The following DNAH17 variants were observed in gnomAD, a reference collection of about 807,000 sequenced individuals.
The protein encoded by DNAH17 is dynein axonemal heavy chain 17.
Under a neutral mutation model 485.6 loss-of-function variants are expected in DNAH17, and 376 were observed. The observed-to-expected ratio is 0.77, with a 90% confidence interval of 0.71 to 0.84. The LOEUF (loss-of-function observed/expected upper bound fraction) is 0.84. DNAH17 is among the 40% of genes least tolerant of loss of function. The probability of loss-of-function intolerance (pLI) is 0.00; values close to 1 mark genes in which losing one functional copy is unlikely to be tolerated. For missense variants in DNAH17, 6,370 were observed against 5,839.3 expected (o/e 1.09, Z -2.96); for synonymous variants, 3,031 against 2,405.9 (o/e 1.26, Z -7.60).
intron 26 of DNAH17, among the ~76,000 whole-genome samples, chr17:78,513,160 G>C (rs1011596039): frequency 6.6e-6 from 1 of 151,950 alleles, no homozygotes; most frequent in Non-Finnish European, 1.5e-5. Flanking sequence ...AGGCCATGAC[G>C]GGAAGGAGGC....
chr17:78,491,068 T>C (rs751310097), intron 43 of DNAH17, among the ~76,000 whole-genome samples: 2 of 152,214 alleles, frequency 1.3e-5, no homozygotes, highest in Admixed American at 1.3e-4. Flanking sequence ...GGCTGCAGCA[T>C]GGAGTCAGGG....
chr17:78,445,224 G>A (rs2087232457), intron 70 of DNAH17, among the ~76,000 whole-genome samples: 3 of 150,742 alleles, frequency 2.0e-5, no homozygotes, highest in African/African-American at 4.9e-5. Context: ...GCTGGGGGGA[G>A]GAGGGGAGGC....
chr17:78,481,225 C>T (rs184822361), intron 48 of DNAH17, among the ~76,000 whole-genome samples: 185 of 151,674 alleles, frequency 1.2e-3, no homozygotes, highest in African/African-American at 4.3e-3. Context: ...GCCTCAGCCT[C>T]CCGAGTAGCT....
intron 20 of DNAH17, 74 bp from the exon 21 acceptor site, chr17:78,530,586 CA>C (rs2091206506): frequency 6.6e-7 from 1 of 1,519,386 alleles, no homozygotes. Context: ...GGCCTCAGTC[CA>C]GGGCCTTCCT....
Position 78,526,961 on chromosome 17 carries a change from C to A in DNAH17, c.3543G>T (p.Leu1181=). Residue 1181 remains leucine (L), a synonymous_variant, in exon 23 of 81, where the codon CTG becomes CTT. Transcript: ENST00000389840. ...LPEHWANTKK[L]AIQVKLTVAP... ...CCACGGTCAGCTTCACCTGAATGGC[C>A]AGTTTCTTGGTATTTGCCCAGTGCT... The A allele has an allele frequency of 6.3e-7, 1 of 1,588,402 alleles. No individual in the cohort carries two copies.
intron 43 of DNAH17, 57 bp downstream of exon 43, chr17:78,491,386 G>C (rs2089845922): frequency 2.5e-6 from 4 of 1,584,484 alleles, no homozygotes; most frequent in Non-Finnish European, 3.4e-6. Flanking sequence ...CTCCCTGTGA[G>C]CCCCCGTTGT....
At chr17:78,476,357 G>A (rs1385077658) in intron 52 of DNAH17, among the ~76,000 whole-genome samples, 1 of 149,278 alleles carries the variant, frequency 6.7e-6, no homozygotes, top group African/African-American at 2.5e-5. Flanking sequence ...GTTATCGCGT[G>A]GAACCCTCGG....
At chr17:78,426,803 C>T (rs2086486393) in intron 78 of DNAH17, 123 bp downstream of exon 78, 1 of 1,326,388 alleles carries the variant, frequency 7.5e-7, no homozygotes, top group Non-Finnish European at 1.0e-6. Context: ...TGCCAGAGCT[C>T]TGGAGAGGGA....
At chr17:78,563,478 T>C (rs897156266) in intron 11 of DNAH17, among the ~76,000 whole-genome samples, 5 of 148,146 alleles carry the variant, frequency 3.4e-5, no homozygotes, top group Non-Finnish European at 7.5e-5. Context: ...GTCAGAAAAA[T>C]AGAAAAAAAC....
chr17:78,461,924 C>T (rs2088149286), intron 57 of DNAH17, among the ~76,000 whole-genome samples: 1 of 152,050 alleles, frequency 6.6e-6, no homozygotes, highest in Non-Finnish European at 1.5e-5. Flanking sequence ...TGAGACATTC[C>T]TGGTGCTCAA....
chr17:78,514,990 G>T lies in DNAH17; in HGVS notation c.3897C>A (p.Thr1299=). 2 of 1,613,926 alleles carry T rather than the reference G, an allele frequency of 1.2e-6. No individual in the cohort carries two copies. The highest frequency in any genetic ancestry group is 1.7e-6 in the Non-Finnish European group (2 of 1,179,884). The part of the protein sequence containing the change: ...VNTSIEDWKT[T]KWKDINVEQM... ...GCTCAACGTTGATATCTTTCCACTT[G>T]GTGGTCTTCCAGTCCTCGATGCTGG... Residue 1299 remains threonine, a synonymous_variant, in exon 26 of 81, where the codon ACC becomes ACA. Coordinates refer to ENST00000389840, the MANE Select transcript of DNAH17 (RefSeq NM_173628.4).
At chr17:78,514,657 A>G (rs911581129) in intron 26 of DNAH17, 117 bp downstream of exon 26, 3 of 1,384,342 alleles carry the variant, frequency 2.2e-6, no homozygotes, top group South Asian at 1.4e-5. Context: ...CCCTGCCCAC[A>G]TTGGCTTTAC....
intron 61 of DNAH17, 50 bp downstream of exon 61, chr17:78,458,951 G>A (rs770864334): frequency 1.7e-5 from 27 of 1,590,164 alleles, no homozygotes; most frequent in Non-Finnish European, 2.2e-5. Flanking sequence ...CTGGCAGCGC[G>A]AGCAAGCGGC....
chr17:78,498,399 C>T (rs909561472), intron 37 of DNAH17, among the ~76,000 whole-genome samples: 1 of 152,218 alleles, frequency 6.6e-6, no homozygotes, highest in Admixed American at 6.5e-5. Flanking sequence ...TGCTTCTCAA[C>T]CCCCAGCATG....
rs71385959 is a variant in DNAH17, at chr17:78,429,501, G to A, written c.12226-201C>T. Among the ~76,000 whole-genome samples the A allele has an allele frequency of 0.05, 7,647 of 152,294 alleles. 291 individuals are homozygous for A. Among genetic ancestry groups the A allele is most frequent in the Non-Finnish European group, 0.07 (4,788 of 68,024 alleles). On this transcript the variant is annotated intron_variant, in intron 75 of 80. Transcript: ENST00000389840. The stretch of plus-strand genomic sequence containing the variant: ...CCTTTCTTTCCATTCCGCGCCACCA[G>A]ACGCCAATGTCCGGCCCCTTTGGCT...
chr17:78,570,017 C>T (rs1371483329), intron 7 of DNAH17, among the ~76,000 whole-genome samples: 2 of 152,208 alleles, frequency 1.3e-5, no homozygotes, highest in East Asian at 3.9e-4. Context: ...GGGCAGACCT[C>T]CTCCTCTGTC....
At chr17:78,561,617 G>A (rs544342168) in intron 12 of DNAH17, 98 bp downstream of exon 12, 7 of 1,396,970 alleles carry the variant, frequency 5.0e-6, no homozygotes, top group African/African-American at 4.3e-5. Context: ...CAGTCTGGTC[G>A]ACAGGAGGGG....
chr17:78,441,197 T>C lies in DNAH17; in HGVS notation c.11531A>G (p.Asn3844Ser). 2 of 1,613,758 alleles carry C rather than the reference T, an allele frequency of 1.2e-6. No individual in the cohort carries two copies. The highest frequency in any genetic ancestry group is 1.7e-6 in the Non-Finnish European group (2 of 1,179,856). The part of the protein sequence containing the change: ...RPDRMTYAIK[N>S]FVEEKMGSKF... ...GCTGCCCATCTTTTCCTCCACGAAG[T>C]TCCTAGGGGTGGAGTGCATCAGAGG... is the stretch of plus-strand genomic sequence containing the variant. Residue 3844 changes from asparagine to serine, a missense_variant and splice_region_variant, in exon 72 of 81, where the codon AAC becomes AGC. Transcript: ENST00000389840.
intron 9 of DNAH17, 142 bp from the exon 10 acceptor site, chr17:78,567,308 A>AC (rs1274157240): frequency 1.3e-6 from 1 of 772,468 alleles, no homozygotes; most frequent in African/African-American, 1.8e-5. Context: ...GTGGGAGGAC[A>AC]CCCTCTGTGT....
Sources: allele counts gnomAD v4.1 joint callset (sites outside exome capture counted in the v4.1 genomes callset), GRCh38; gene constraint gnomAD v4.1.1; transcripts MANE v1.5; gene names NCBI Gene and HGNC (gene_info 2026-07-23, HGNC 2026-07-21).